Variants in NELL1 observed in about 807,000 individuals in gnomAD.
NELL1 encodes the protein protein kinase C-binding protein NELL1.
In NELL1, 76 loss-of-function variants were observed where a neutral mutation model predicts 107.4. That is an observed-to-expected ratio of 0.71 (90% confidence interval 0.59 to 0.86). The LOEUF (loss-of-function observed/expected upper bound fraction) is 0.86. Ranked by LOEUF, NELL1 falls within the 40% of genes least tolerant of loss-of-function variation. The pLI, the probability that NELL1 is intolerant of heterozygous loss-of-function variation, is 0.00. For synonymous variants in NELL1, 353 were observed against 341.2 expected, an observed-to-expected ratio of 1.03 and a Z score of -0.38; for missense variants, 1,024 against 1,005.5, an observed-to-expected ratio of 1.02 and a Z score of -0.25.
chr11:21,536,620 T>C (rs1856146082), intron 16 of NELL1, among the ~76,000 whole-genome samples: 1 of 152,174 alleles, frequency 6.6e-6, no homozygotes, highest in African/African-American at 2.4e-5. Flanking sequence ...GAGCAGCGAA[T>C]GGGCTTTTTT....
At position 21,009,204 on chromosome 11, in the gene NELL1, T is replaced by C. The variant is rs1229088242; in HGVS notation, c.1300+48644T>C. ...ATTCCTGGAACATTAATTCACCTGA[T>C]TGAGCATTCTCCTCGGCATTGATCC... is the stretch of plus-strand genomic sequence containing the variant. On this transcript the variant is annotated intron_variant, in intron 12 of 19. Transcript: ENST00000357134. Among the ~76,000 whole-genome samples the C allele has an allele frequency of 2.6e-5, 4 of 152,158 alleles. No individual in the cohort carries two copies. In the South Asian group the frequency reaches 6.2e-4, roughly 24 times the overall value.
At chr11:21,219,288 A>G (rs918999360) in intron 13 of NELL1, among the ~76,000 whole-genome samples, 3 of 152,158 alleles carry the variant, frequency 2.0e-5, no homozygotes, top group African/African-American at 7.2e-5. Context: ...TGCTTTTAAA[A>G]AGTGAGTGTT....
chr11:20,960,479 T>G lies in NELL1; in HGVS notation c.1219T>G (p.Cys407Gly). The change falls in exon 12 of 20, where the codon TGC becomes GGC. Residue 407 changes from cysteine (C) to glycine (G), a missense_variant. Coordinates refer to ENST00000357134, the MANE Select transcript of NELL1 (RefSeq NM_006157.5). ...ACCTAAATGTGGTGAAAACTCAGAG[T>G]GCAAAAACTGGAATACAAAAGCTAC... ...EGPKCGENSE[C>G]KNWNTKATCE... 6.2e-7 allele frequency: 1 copy of G among 1,613,972 alleles called. No individual in the cohort carries two copies. The highest frequency in any genetic ancestry group is 8.5e-7 in the Non-Finnish European group (1 of 1,179,866).
At chr11:21,231,699 A>G (rs1490107867) in intron 14 of NELL1, among the ~76,000 whole-genome samples, 1 of 152,144 alleles carries the variant, frequency 6.6e-6, no homozygotes, top group Non-Finnish European at 1.5e-5. Context: ...GAATTTTGTA[A>G]GTCCAGCTGT....
chr11:21,085,358 G>C (rs903606410), intron 12 of NELL1, among the ~76,000 whole-genome samples: 2 of 152,124 alleles, frequency 1.3e-5, no homozygotes, highest in East Asian at 3.9e-4. Flanking sequence ...TTTAGTCTGG[G>C]CACAGTGTCT....
intron 2 of NELL1, among the ~76,000 whole-genome samples, chr11:20,691,250 CT>C (rs1854457908): frequency 6.6e-6 from 1 of 151,814 alleles, no homozygotes; most frequent in African/African-American, 2.4e-5. Context: ...TTGACTTCCT[CT>C]TTTCCTAATT....
chr11:20,717,003 A>T (rs1224296936), intron 2 of NELL1, among the ~76,000 whole-genome samples: 2 of 152,210 alleles, frequency 1.3e-5, no homozygotes, highest in Non-Finnish European at 2.9e-5. Flanking sequence ...GAACTACTGC[A>T]TAATACCACA....
chr11:21,321,102 C>G (rs1462823553), intron 14 of NELL1, among the ~76,000 whole-genome samples: 4 of 152,190 alleles, frequency 2.6e-5, no homozygotes, highest in African/African-American at 9.7e-5. Context: ...CCATTGTCTT[C>G]CATCACAGGA....
At chr11:21,146,945 G>A (rs1453359610) in intron 13 of NELL1, among the ~76,000 whole-genome samples, 3 of 152,146 alleles carry the variant, frequency 2.0e-5, no homozygotes, top group East Asian at 3.9e-4. Context: ...TTGGGAGGCT[G>A]AGACAGGAGA....
intron 14 of NELL1, among the ~76,000 whole-genome samples, chr11:21,339,543 T>A (rs981527726): frequency 4.6e-5 from 7 of 152,298 alleles, no homozygotes; most frequent in African/African-American, 1.7e-4. Flanking sequence ...ACATTTCTTT[T>A]CATCGTGTCA....
intron 10 of NELL1, among the ~76,000 whole-genome samples, chr11:20,946,748 C>T (rs530023324): frequency 1.1e-4 from 17 of 152,132 alleles, no homozygotes; most frequent in African/African-American, 3.6e-4. Context: ...TTATTAGAGC[C>T]CATTTTTAGG....
chr11:21,497,163 G>T (rs890613528), intron 15 of NELL1, among the ~76,000 whole-genome samples: 2 of 117,610 alleles, frequency 1.7e-5, no homozygotes, highest in East Asian at 2.8e-4. Flanking sequence ...TGGCTGGGGT[G>T]GGGGGAGGGG....
At chr11:20,992,543 A>T (rs1851998373) in intron 12 of NELL1, among the ~76,000 whole-genome samples, 1 of 152,128 alleles carries the variant, frequency 6.6e-6, no homozygotes, top group African/African-American at 2.4e-5. Flanking sequence ...GTCATTTATA[A>T]GTCTGTAGCC....
At chr11:21,204,965 G>A (rs79064875) in intron 13 of NELL1, among the ~76,000 whole-genome samples, 9,006 of 152,158 alleles carry the variant, frequency 0.059, 269 homozygotes, top group East Asian at 0.14. Flanking sequence ...AGATTGCTGC[G>A]TGTTCCTTCC....
At chr11:20,905,065 C>G (rs1233739684) in intron 5 of NELL1, among the ~76,000 whole-genome samples, 1 of 151,030 alleles carries the variant, frequency 6.6e-6, no homozygotes, top group African/African-American at 2.4e-5. Flanking sequence ...GTCTCAAACT[C>G]CTGGCCTCCA....
chr11:21,469,720 G>A (rs1288671476), intron 15 of NELL1, among the ~76,000 whole-genome samples: 1 of 152,012 alleles, frequency 6.6e-6, no homozygotes, highest in African/African-American at 2.4e-5. Context: ...AAAGGTATAG[G>A]CAAATGCAAC....
At chr11:21,374,904 TGTGTG>T (rs1851438075) in intron 15 of NELL1, among the ~76,000 whole-genome samples, 1 of 150,916 alleles carries the variant, frequency 6.6e-6, no homozygotes, top group Admixed American at 6.6e-5. Context: ...TGTGTGTGTG[TGTGTG>T]TGTGTGTGTG....
At chr11:20,970,687 A>T (rs1374679966) in intron 12 of NELL1, among the ~76,000 whole-genome samples, 2 of 152,154 alleles carry the variant, frequency 1.3e-5, no homozygotes, top group Admixed American at 1.3e-4. Flanking sequence ...CAAAGTGAGA[A>T]GTTTGACATG....
rs111309992 is a variant in NELL1 at position 21,546,805 on chromosome 11, T to C, written c.1786+12291T>C. The stretch of plus-strand genomic sequence containing the variant: ...CAATTTCTTTGAAATGAATATTGAA[T>C]AGTTTTTTGTTCTTACCCTGAGATT... On this transcript the variant is annotated intron_variant, in intron 16 of 19. Transcript: ENST00000357134. 2.5e-3 allele frequency among the ~76,000 whole-genome samples: 386 copies of C among 152,118 alleles called. 7 individuals are homozygous for C. The highest frequency in any genetic ancestry group is 8.8e-3 in the African/African-American group (365 of 41,540).
Sources: gnomAD v4.1 joint callset for allele counts (sites outside exome capture counted in the v4.1 genomes callset) on GRCh38, gnomAD v4.1.1 for gene constraint, MANE v1.5 for transcripts, NCBI Gene and HGNC (gene_info 2026-07-23, HGNC 2026-07-21) for gene names.